NAXD: variants seen among roughly 807,000 people sequenced by gnomAD.
The protein encoded by NAXD is NAD(P)HX dehydratase.
NAXD carries 22 observed loss-of-function variants against 35.8 expected under a neutral mutation model. The observed-to-expected ratio is 0.62, with a 90% confidence interval of 0.44 to 0.88. The LOEUF (loss-of-function observed/expected upper bound fraction) is 0.88, where lower values mean the gene tolerates loss of function less well. Among genes scored for constraint, NAXD ranks in the 40% least tolerant of loss-of-function variants. The pLI is 0.00. For missense variants in NAXD, 428 were observed against 437.7 expected, an observed-to-expected ratio of 0.98 and a Z score of 0.20; for synonymous variants, 189 against 177.6, an observed-to-expected ratio of 1.06 and a Z score of -0.51.
intron 1 of NAXD, among the ~76,000 whole-genome samples, chr13:110,618,935 G>A (rs942102241): frequency 3.3e-5 from 5 of 152,202 alleles, no homozygotes; most frequent in Non-Finnish European, 5.9e-5. Flanking sequence ...GAGCAGATGC[G>A]GAGAGGACAA....
At chr13:110,637,644 G>C (rs1020558659) in intron 9 of NAXD, 1 of 391,982 alleles carries the variant, frequency 2.6e-6, no homozygotes, top group African/African-American at 2.1e-5. Context: ...TTCTTTAAGA[G>C]ACAGCAGAAT....
intron 5 of NAXD, among the ~76,000 whole-genome samples, chr13:110,633,437 G>C (rs958550089): frequency 6.6e-6 from 1 of 152,228 alleles, no homozygotes; most frequent in African/African-American, 2.4e-5. Flanking sequence ...GCAAGCTGAG[G>C]GAGTGGGCTC....
chr13:110,615,543 C>T, upstream of NAXD: 2 of 1,332,130 alleles, frequency 1.5e-6, no homozygotes, highest in Non-Finnish European at 1.9e-6. Flanking sequence ...GAAAACGCTT[C>T]CAATGGCTGT....
intron 1 of NAXD, among the ~76,000 whole-genome samples, chr13:110,618,025 A>G (rs149387779): frequency 6.6e-6 from 1 of 152,288 alleles, no homozygotes; most frequent in East Asian, 1.9e-4. Flanking sequence ...CTGCCAGTCC[A>G]GACATAAGAA....
At chr13:110,624,145 T>C in intron 2 of NAXD, 89 bp from the exon 3 acceptor site, 1 of 766,428 alleles carries the variant, frequency 1.3e-6, no homozygotes, top group Non-Finnish European at 2.3e-6. Flanking sequence ...ATATTATTTA[T>C]GTCTATTTTT....
intron 4 of NAXD, 41 bp downstream of exon 4, chr13:110,625,319 C>A: frequency 7.2e-7 from 1 of 1,384,810 alleles, no homozygotes; most frequent in East Asian, 2.3e-5. Context: ...TTCTCTTTCC[C>A]TCCTGCATCA....
chr13:110,615,943 C>T, intron 1 of NAXD: 1 of 484,766 alleles, frequency 2.1e-6, no homozygotes, highest in Admixed American at 4.5e-5. Flanking sequence ...GTGATGGGAG[C>T]CTCCGTGCGG....
chr13:110,630,271 G>A (rs55949519), intron 5 of NAXD, among the ~76,000 whole-genome samples: 6 of 151,948 alleles, frequency 3.9e-5, no homozygotes, highest in Admixed American at 1.3e-4. Flanking sequence ...TTAGGTATCC[G>A]CCCGCCTCAG....
chr13:110,624,351 C>A, intron 3 of NAXD, 72 bp downstream of exon 3: 1 of 934,000 alleles, frequency 1.1e-6, no homozygotes, highest in Non-Finnish European at 1.7e-6. Context: ...ATGATTAAAG[C>A]AAATGTTTTC....
At chr13:110,616,930 C>T (rs330549) in intron 1 of NAXD, among the ~76,000 whole-genome samples, 35,927 of 152,074 alleles carry the variant, frequency 0.24, 5,515 homozygotes, top group African/African-American at 0.44. Flanking sequence ...TGAGAATGCA[C>T]TGGGTGGCGC....
At chr13:110,637,688 T>G (rs1886985177) in intron 9 of NAXD, 2 of 451,512 alleles carry the variant, frequency 4.4e-6, no homozygotes, top group Non-Finnish European at 8.9e-6. Context: ...AGTTCTGTAG[T>G]CAGAGAACTT....
chr13:110,633,226 T>C (rs1225852405), intron 5 of NAXD, among the ~76,000 whole-genome samples: 1 of 152,122 alleles, frequency 6.6e-6, no homozygotes, highest in Non-Finnish European at 1.5e-5. Flanking sequence ...GCCGGTGGGC[T>C]GGCACTGCTG....
Position 110,627,450 on chromosome 13 carries a change from A to C in NAXD, c.344A>C (p.Asn115Thr), listed in dbSNP as rs55839400. The C allele has an allele frequency of 6.2e-7, 1 of 1,613,296 alleles. No individual in the cohort carries two copies. The highest frequency in any genetic ancestry group is 1.7e-5 in the Admixed American group (1 of 60,012). The change falls in exon 5 of 10, where the codon AAT becomes ACT. Residue 115 changes from asparagine to threonine, a missense_variant. Asn to Thr is a moderately conservative substitution (Grantham distance 65, BLOSUM62 0). Coordinates refer to ENST00000680254, the MANE Select transcript of NAXD (RefSeq NM_001242882.2). ...CTTTCCTTCTTTAGTGACAGCCCCA[A>C]TGCTGTTCATGAGGTGGAGAAGTGG... Reference protein sequence around the residue: ...LIVHPVLDSPNAVHEVEKWLP... With the variant: ...LIVHPVLDSPTAVHEVEKWLP...
chr13:110,626,677 C>T (rs897565188), intron 4 of NAXD, among the ~76,000 whole-genome samples: 6 of 152,104 alleles, frequency 3.9e-5, no homozygotes, highest in African/African-American at 1.4e-4. Context: ...TCCAGAAGGG[C>T]CTGTGTGTGC....
At chr13:110,625,133 G>A (rs919861284) in intron 3 of NAXD, 57 bp from the exon 4 acceptor site, 5 of 1,286,186 alleles carry the variant, frequency 3.9e-6, no homozygotes, top group South Asian at 2.4e-5. Context: ...TGTGTCTGGC[G>A]GGTGGGCAGC....
At chr13:110,627,256 G>T (rs570037541) in intron 4 of NAXD, among the ~76,000 whole-genome samples, 183 bp from the exon 5 acceptor site, 69 of 152,314 alleles carry the variant, frequency 4.5e-4, no homozygotes, top group African/African-American at 1.6e-3. Flanking sequence ...CCTCGGGGAG[G>T]CTAGGCGAAG....
chr13:110,619,423 T>A (rs894610166), intron 1 of NAXD, among the ~76,000 whole-genome samples: 28 of 152,208 alleles, frequency 1.8e-4, no homozygotes, highest in African/African-American at 6.8e-4. Context: ...ATTTAGGAGT[T>A]GTTTTCATCA....
chr13:110,634,572 G>A lies in NAXD; in HGVS notation c.469G>A (p.Asp157Asn), dbSNP rs372292567. The change falls in exon 6 of 10, where the codon GAC becomes AAC. Residue 157 changes from aspartate (D) to asparagine (N), a missense_variant. This residue lies in a region of NAXD where 11 missense variants were observed against 30.0 expected (regional missense o/e 0.37). Transcript: ENST00000680254. ...QGILEVSKAR[D>N]IPVVIDADGL... ...CATTTTGGAAGTGTCAAAGGCCAGGGACATCCCTGTTGTCATCGACGCGGT... is the reference window on the plus strand; with the variant it reads ...CATTTTGGAAGTGTCAAAGGCCAGGAACATCCCTGTTGTCATCGACGCGGT... 1.2e-6 allele frequency: 2 copies of A among 1,614,106 alleles called. No homozygotes were observed. The highest frequency in any genetic ancestry group is 2.7e-5 in the African/African-American group (2 of 74,936).
At chr13:110,615,691 G>T (rs748692517) in intron 1 of NAXD, 44 bp downstream of exon 1, 2 of 1,524,554 alleles carry the variant, frequency 1.3e-6, no homozygotes, top group Non-Finnish European at 1.8e-6. Context: ...ACACGCGCGG[G>T]GGCCGGAACT....
Sources: allele counts gnomAD v4.1 joint callset (sites outside exome capture counted in the v4.1 genomes callset), GRCh38; gene constraint gnomAD v4.1.1; regional missense constraint gnomAD v4.1.1; transcripts MANE v1.5; gene names NCBI Gene and HGNC (gene_info 2026-07-23, HGNC 2026-07-21).